The following ATXN1 variants were observed in gnomAD, a reference collection of about 807,000 sequenced individuals.
ATXN1 encodes ataxin 1, also known as ataxin-1.
Under a neutral mutation model 56.4 loss-of-function variants are expected in ATXN1, and 8 were observed. The observed-to-expected ratio is 0.14, with a 90% CI of 0.08 to 0.26. ATXN1 has a LOEUF of 0.26. ATXN1 is among the 10% of genes least tolerant of loss of function. ATXN1 has a pLI of 1.00. For missense variants in ATXN1, 987 were observed against 1,106.5 expected, an observed-to-expected ratio of 0.89 and a Z score of 1.53; for synonymous variants, 514 against 494.6, an observed-to-expected ratio of 1.04 and a Z score of -0.52.
intron 3 of ATXN1, among the ~76,000 whole-genome samples, chr6:16,648,246 T>C (rs765641561): frequency 6.6e-6 from 1 of 152,164 alleles, no homozygotes; most frequent in Non-Finnish European, 1.5e-5. Flanking sequence ...CTAGGCAACC[T>C]TGGAGAGGGT....
At chr6:16,313,704 C>T (rs1398392151) in intron 7 of ATXN1, among the ~76,000 whole-genome samples, 5 of 151,772 alleles carry the variant, frequency 3.3e-5, no homozygotes, top group Non-Finnish European at 7.4e-5. Flanking sequence ...TTACAGGTGC[C>T]CACCACCACC....
Position 16,306,153 on chromosome 6 carries a change from A to G in ATXN1, c.*176T>C, listed in dbSNP as rs1209043608. 2 of 780,952 alleles carry G rather than the reference A, an allele frequency of 2.6e-6. No individual in the cohort carries two copies. Among genetic ancestry groups the G allele is most frequent in the Non-Finnish European group, 3.9e-6 (2 of 511,518 alleles). 48.4% of individuals were successfully genotyped at this position (780,952 alleles called of 1,614,324 possible). On this transcript the variant is annotated 3_prime_UTR_variant, in exon 8 of 8. Coordinates refer to ENST00000436367, the MANE Select transcript of ATXN1 (RefSeq NM_001128164.2). The surrounding 1 kb of genome is among the most constrained non-coding windows in gnomAD (Gnocchi z 5.2). ...CGCTCACTGACAGACACTCGTGGAA[A>G]AAGCATATGCACCAGTCTCCTGCGA...
At position 16,761,335 on chromosome 6, in the gene ATXN1, G is replaced by A. The variant is rs577227193; in HGVS notation, c.-767C>T. ...ATGGATCTGGGGTTGCGTGGGGAAG[G>A]GGGGGCAGAGGGAGAGAAACAATGT... On this transcript the variant is annotated 5_prime_UTR_variant, in exon 1 of 8. Coordinates refer to ENST00000436367, the MANE Select transcript of ATXN1 (RefSeq NM_001128164.2). 6.6e-6 allele frequency: 3 copies of A among 456,436 alleles called. No individual in the cohort carries two copies. Among genetic ancestry groups the A allele is most frequent in the Admixed American group, 2.3e-5 (1 of 42,560 alleles). 28.3% of individuals were successfully genotyped at this position (456,436 alleles called of 1,614,324 possible).
intron 3 of ATXN1, among the ~76,000 whole-genome samples, chr6:16,597,973 T>A (rs1039194184): frequency 6.6e-6 from 1 of 152,022 alleles, no homozygotes; most frequent in African/African-American, 2.4e-5. Flanking sequence ...AAGAATGAAG[T>A]AAATTGCTAA....
rs117368753 is a variant in ATXN1, at chr6:16,553,722, A to T, written c.-360-31034T>A. ...ACTGTCTGTTACCGCATGGGCCCTC[A>T]CCATGGCCCTCAACAGCCCATGGCC... On this transcript the variant is annotated intron_variant, in intron 4 of 7. Transcript: ENST00000436367. Among the ~76,000 whole-genome samples the T allele has an allele frequency of 3.9e-4, 60 of 152,208 alleles. No homozygotes were observed. The East Asian group carries it at 9.5e-3, about 24-fold the overall frequency.
At chr6:16,457,358 T>C (rs1469098645) in intron 6 of ATXN1, among the ~76,000 whole-genome samples, 2 of 151,050 alleles carry the variant, frequency 1.3e-5, no homozygotes, top group Non-Finnish European at 2.9e-5. Context: ...ATCCAGGGAC[T>C]GTTGTGGGTT....
At chr6:16,346,769 TC>T (rs1303650220) in intron 6 of ATXN1, among the ~76,000 whole-genome samples, 1 of 152,184 alleles carries the variant, frequency 6.6e-6, no homozygotes, top group East Asian at 1.9e-4. Flanking sequence ...CTGCCTGGGC[TC>T]CCACTTTGGC....
At chr6:16,662,362 T>C (rs1758337596) in intron 2 of ATXN1, among the ~76,000 whole-genome samples, 1 of 152,196 alleles carries the variant, frequency 6.6e-6, no homozygotes, top group South Asian at 2.1e-4. Flanking sequence ...AATAGAGTTT[T>C]GCTCTTGTTG....
At chr6:16,720,719 G>A (rs1759729440) in intron 2 of ATXN1, among the ~76,000 whole-genome samples, 4 of 152,144 alleles carry the variant, frequency 2.6e-5, no homozygotes, top group South Asian at 4.1e-4. Flanking sequence ...CTAAAGCATG[G>A]TATAAAGGAG....
chr6:16,609,849 AAGG>A (rs1413618727), intron 3 of ATXN1, among the ~76,000 whole-genome samples: 1 of 152,196 alleles, frequency 6.6e-6, no homozygotes, highest in African/African-American at 2.4e-5. Flanking sequence ...ACCTTTGAAG[AAGG>A]AGGAGGAAAA....
rs749861799 is a variant in ATXN1, at chr6:16,326,850, T to C, written c.1461A>G (p.Thr487=). The C allele has an allele frequency of 1.2e-6, 2 of 1,609,320 alleles. No individual in the cohort carries two copies. The stretch of plus-strand genomic sequence containing the variant: ...TGCCGACCGGGATGAGCAGGGGCTG[T>C]GTGCCGGGGATCACCAGGTGCTGGG... ...SLPQHLVIPG[T]QPLLIPVGST... is the part of the protein sequence containing the mutation. Residue 487 remains threonine, a synonymous_variant, in exon 7 of 8, where the codon ACA becomes ACG. Transcript: ENST00000436367. The surrounding 1 kb of genome is among the most constrained non-coding windows in gnomAD (Gnocchi z 6.6).
chr6:16,635,093 T>C (rs1763571188), intron 3 of ATXN1, among the ~76,000 whole-genome samples: 1 of 152,158 alleles, frequency 6.6e-6, no homozygotes, highest in African/African-American at 2.4e-5. Flanking sequence ...ACCTGAGCTC[T>C]GCCTCCTGTC....
At chr6:16,579,388 T>G (rs1251446554) in intron 4 of ATXN1, among the ~76,000 whole-genome samples, 1 of 151,226 alleles carries the variant, frequency 6.6e-6, no homozygotes, top group Non-Finnish European at 1.5e-5. Context: ...ATGATGGTAA[T>G]TTTTAGAGGT....
intron 2 of ATXN1, among the ~76,000 whole-genome samples, chr6:16,725,359 C>G (rs1243173591): frequency 6.6e-6 from 1 of 151,986 alleles, no homozygotes; most frequent in East Asian, 1.9e-4. Context: ...CTTAAGGAGT[C>G]AAAACATCCA....
At chr6:16,566,716 C>T (rs577921106) in intron 4 of ATXN1, among the ~76,000 whole-genome samples, 19 of 152,048 alleles carry the variant, frequency 1.2e-4, no homozygotes, top group African/African-American at 3.9e-4. Context: ...ATTAGCCGGG[C>T]ATGGTGGTGG....
chr6:16,559,495 C>T (rs1416497823), intron 4 of ATXN1, among the ~76,000 whole-genome samples: 1 of 152,014 alleles, frequency 6.6e-6, no homozygotes, highest in African/African-American at 2.4e-5. Context: ...AAAGGTTTTC[C>T]AGGACACACT....
At chr6:16,565,641 C>T (rs935341048) in intron 4 of ATXN1, among the ~76,000 whole-genome samples, 6 of 152,198 alleles carry the variant, frequency 3.9e-5, no homozygotes, top group Non-Finnish European at 8.8e-5. Context: ...CAAACACACA[C>T]ATGCACACCA....
chr6:16,734,894 T>A, intron 2 of ATXN1, among the ~76,000 whole-genome samples: 1 of 152,240 alleles, frequency 6.6e-6, no homozygotes, highest in East Asian at 1.9e-4. Context: ...ATCCAGTTGA[T>A]GGTAATTTTA....
chr6:16,517,122 C>T (rs1761197760), intron 5 of ATXN1, among the ~76,000 whole-genome samples: 1 of 152,248 alleles, frequency 6.6e-6, no homozygotes, highest in Non-Finnish European at 1.5e-5. Context: ...AGCTATTCAT[C>T]TGTGAATTTA....
Sources: allele counts gnomAD v4.1 joint callset (sites outside exome capture counted in the v4.1 genomes callset), GRCh38; gene constraint gnomAD v4.1.1; non-coding constraint Gnocchi (gnomAD v3.1); transcripts MANE v1.5; gene names NCBI Gene and HGNC (gene_info 2026-07-23, HGNC 2026-07-21).